Variants in ESRRB observed in about 807,000 individuals in gnomAD.
ESRRB encodes steroid hormone receptor ERR2.
Under a neutral mutation model 46.0 loss-of-function variants are expected in ESRRB, and 16 were observed. The observed-to-expected ratio is 0.35, with a 90% CI of 0.24 to 0.53. ESRRB has a LOEUF of 0.53. Ranked by LOEUF, ESRRB falls within the 20% of genes least tolerant of loss-of-function variation. ESRRB has a pLI of 0.93. For synonymous variants in ESRRB, 246 were observed against 259.6 expected (o/e 0.95, Z 0.50); for missense variants, 488 against 607.4 (o/e 0.80, Z 2.07).
At chr14:76,445,117 G>A (rs1209644084) in intron 2 of ESRRB, among the ~76,000 whole-genome samples, 1 of 148,394 alleles carries the variant, frequency 6.7e-6, no homozygotes, top group Non-Finnish European at 1.5e-5. Context: ...AGGCTGCAGT[G>A]AGCTATGATC....
chr14:76,382,671 G>C (rs1885063404), intron 1 of ESRRB, among the ~76,000 whole-genome samples: 1 of 152,154 alleles, frequency 6.6e-6, no homozygotes, highest in Non-Finnish European at 1.5e-5. Flanking sequence ...AGTTGGACTA[G>C]GTGGAAAAAA....
chr14:76,459,770 A>G (rs947985906), intron 2 of ESRRB, among the ~76,000 whole-genome samples: 1 of 152,196 alleles, frequency 6.6e-6, no homozygotes, highest in African/African-American at 2.4e-5. Flanking sequence ...GTAGGGGTAC[A>G]CAGAATCTTC....
intron 1 of ESRRB, among the ~76,000 whole-genome samples, chr14:76,411,806 C>A (rs568212968): frequency 6.6e-6 from 1 of 152,166 alleles, no homozygotes; most frequent in Non-Finnish European, 1.5e-5. Flanking sequence ...GAGAAGCTTT[C>A]GTACATTGCT....
chr14:76,457,307 A>G (rs899608687), intron 2 of ESRRB, among the ~76,000 whole-genome samples: 1 of 152,136 alleles, frequency 6.6e-6, no homozygotes, highest in Non-Finnish European at 1.5e-5. Flanking sequence ...GTTGGTGGCT[A>G]GCCTCGGATC....
chr14:76,492,458 C>G (rs146426414), intron 6 of ESRRB, among the ~76,000 whole-genome samples: 1 of 152,340 alleles, frequency 6.6e-6, no homozygotes, highest in East Asian at 1.9e-4. Flanking sequence ...TGAGCCACCA[C>G]GCTCAGCGTC....
At chr14:76,407,396 G>A (rs918373120) in intron 1 of ESRRB, 1 of 212,236 alleles carries the variant, frequency 4.7e-6, no homozygotes, top group African/African-American at 2.4e-5. Flanking sequence ...CAGAGTCGGG[G>A]GTTGCCCCTC....
intron 1 of ESRRB, among the ~76,000 whole-genome samples, chr14:76,418,345 C>A (rs1236107262): frequency 6.6e-6 from 1 of 152,082 alleles, no homozygotes; most frequent in East Asian, 1.9e-4. Flanking sequence ...CCTGTATAAC[C>A]CTTATCTGGT....
intron 5 of ESRRB, among the ~76,000 whole-genome samples, chr14:76,486,519 A>G (rs546638969): frequency 3.9e-4 from 59 of 152,044 alleles, no homozygotes; most frequent in Admixed American, 5.2e-4. Context: ...ACGATCATAA[A>G]TTAACAGATT....
At chr14:76,437,011 C>T (rs1202841757) in intron 1 of ESRRB, among the ~76,000 whole-genome samples, 1 of 152,014 alleles carries the variant, frequency 6.6e-6, no homozygotes, top group African/African-American at 2.4e-5. Flanking sequence ...TCAATGGCAG[C>T]CCCTCAGGAG....
At chr14:76,389,100 C>G (rs1885364339) in intron 1 of ESRRB, among the ~76,000 whole-genome samples, 1 of 152,172 alleles carries the variant, frequency 6.6e-6, no homozygotes. Flanking sequence ...TGTTGAGTCC[C>G]CTCCTACATC....
At chr14:76,452,851 T>G (rs1888451969) in intron 2 of ESRRB, among the ~76,000 whole-genome samples, 1 of 151,932 alleles carries the variant, frequency 6.6e-6, no homozygotes, top group African/African-American at 2.4e-5. Context: ...ATGGATAAAG[T>G]TTTGGACATA....
At chr14:76,394,303 A>C in intron 1 of ESRRB, among the ~76,000 whole-genome samples, 1 of 151,318 alleles carries the variant, frequency 6.6e-6, no homozygotes, top group African/African-American at 2.4e-5. Context: ...GTTTCCCTCT[A>C]TTTTTCTCTT....
chr14:76,383,967 T>G (rs142709160), intron 1 of ESRRB, among the ~76,000 whole-genome samples: 3 of 152,296 alleles, frequency 2.0e-5, no homozygotes, highest in Non-Finnish European at 4.4e-5. Flanking sequence ...CTAAACTTTA[T>G]GCAAAACCAA....
At chr14:76,392,011 T>C (rs17497770) in intron 1 of ESRRB, among the ~76,000 whole-genome samples, 12,575 of 152,270 alleles carry the variant, frequency 0.083, 694 homozygotes, top group Admixed American at 0.13. Flanking sequence ...TCTGTGTTTC[T>C]TTCTGCTGGC....
intron 1 of ESRRB, among the ~76,000 whole-genome samples, chr14:76,359,564 G>A (rs964866613): frequency 2.0e-5 from 3 of 152,184 alleles, no homozygotes; most frequent in African/African-American, 7.2e-5. Flanking sequence ...GCCCACAGCC[G>A]ATACATGGGG....
intron 1 of ESRRB, among the ~76,000 whole-genome samples, chr14:76,428,225 C>T (rs577725779): frequency 7.6e-4 from 115 of 152,092 alleles, no homozygotes; most frequent in Middle Eastern, 6.8e-3. Flanking sequence ...CTCGAACTCC[C>T]GACCTCAGGT....
At chr14:76,387,435 G>A (rs940983244) in intron 1 of ESRRB, among the ~76,000 whole-genome samples, 1 of 152,192 alleles carries the variant, frequency 6.6e-6, no homozygotes, top group African/African-American at 2.4e-5. Flanking sequence ...GAGAATCCCA[G>A]GGGGTGAGCC....
intron 1 of ESRRB, among the ~76,000 whole-genome samples, chr14:76,343,261 G>T (rs1884212471): frequency 6.6e-6 from 1 of 152,246 alleles, no homozygotes; most frequent in Non-Finnish European, 1.5e-5. Flanking sequence ...ATCCTGGCAA[G>T]GAGTTGGTGG....
chr14:76,353,299 A>G (rs555943765), intron 1 of ESRRB, among the ~76,000 whole-genome samples: 1 of 151,918 alleles, frequency 6.6e-6, no homozygotes, highest in Non-Finnish European at 1.5e-5. Context: ...CCCCAACCCC[A>G]CCACTTTTTT....
Sources: gnomAD v4.1 joint callset for allele counts (sites outside exome capture counted in the v4.1 genomes callset) on GRCh38, gnomAD v4.1.1 for gene constraint, MANE v1.5 for transcripts, NCBI Gene and HGNC (gene_info 2026-07-23, HGNC 2026-07-21) for gene names.